The following TRAPPC9 variants were observed in gnomAD, a reference collection of about 807,000 sequenced individuals.
TRAPPC9 encodes the protein trafficking protein particle complex subunit 9, also known as IKK2 binding protein.
TRAPPC9 carries 83 observed loss-of-function variants against 124.0 expected under a neutral mutation model. That is an observed-to-expected ratio of 0.67 (90% CI 0.56 to 0.80). The LOEUF is 0.80. TRAPPC9 is among the 30% of genes least tolerant of loss of function. The pLI is 0.00. For missense variants in TRAPPC9, 1,302 were observed against 1,508.3 expected (o/e 0.86, Z 2.27); for synonymous variants, 638 against 617.5 (o/e 1.03, Z -0.49).
In TRAPPC9 at chr8:140,257,371, G is replaced by A. The variant is rs969845226; in HGVS notation, c.2279-4442C>T. Among the ~76,000 whole-genome samples, 27 of 152,196 alleles carry A rather than the reference G, an allele frequency of 1.8e-4. No individual in the cohort carries two copies. The highest frequency in any genetic ancestry group is 4.6e-4 in the African/African-American group (19 of 41,448). ...TGGCACTGGCCTGGGCCTCTTCTGCGCTGAGCCAACCTGTCCACCTTCCTT... is the reference window on the plus strand; with the variant it reads ...TGGCACTGGCCTGGGCCTCTTCTGCACTGAGCCAACCTGTCCACCTTCCTT... On this transcript the variant is annotated intron_variant, in intron 15 of 22. Coordinates refer to ENST00000438773, the MANE Select transcript of TRAPPC9 (RefSeq NM_001160372.4). The surrounding 1 kb of genome is among the most constrained non-coding windows in gnomAD (Gnocchi z 4.6).
intron 17 of TRAPPC9, among the ~76,000 whole-genome samples, chr8:140,122,713 G>A (rs1217586815): frequency 6.6e-6 from 1 of 152,204 alleles, no homozygotes; most frequent in Admixed American, 6.5e-5. Context: ...GAGCGGCAGA[G>A]AGGAACAAAG....
chr8:140,412,275 G>A (rs770088898), intron 5 of TRAPPC9, among the ~76,000 whole-genome samples: 2 of 152,140 alleles, frequency 1.3e-5, no homozygotes, highest in Non-Finnish European at 2.9e-5. Flanking sequence ...CAAACACAAA[G>A]TGAGAACATT....
intron 15 of TRAPPC9, among the ~76,000 whole-genome samples, chr8:140,261,820 C>T (rs1399903386): frequency 1.3e-5 from 2 of 152,178 alleles, no homozygotes; most frequent in Non-Finnish European, 2.9e-5. Context: ...ATGCGTCAGA[C>T]ACCCAGATCA....
intron 16 of TRAPPC9, among the ~76,000 whole-genome samples, chr8:140,243,590 C>T (rs1210199407): frequency 6.6e-6 from 1 of 152,208 alleles, no homozygotes; most frequent in Non-Finnish European, 1.5e-5. Context: ...GGGCACTACT[C>T]ACCAAAGTCA....
intron 17 of TRAPPC9, among the ~76,000 whole-genome samples, chr8:140,029,119 T>G (rs183675615): frequency 1.7e-3 from 266 of 152,296 alleles, no homozygotes; most frequent in Middle Eastern, 6.8e-3. Flanking sequence ...TTCAACAACT[T>G]AGATAAAATG....
At chr8:139,874,100 G>A (rs2131054932) in intron 21 of TRAPPC9, among the ~76,000 whole-genome samples, 1 of 152,378 alleles carries the variant, frequency 6.6e-6, no homozygotes, top group South Asian at 2.1e-4. Context: ...CTCTGGGAAT[G>A]GATCCTTGGG....
Position 139,882,082 on chromosome 8 carries a change from T to C in TRAPPC9, c.3055+3797A>G, listed in dbSNP as rs914758872. Among the ~76,000 whole-genome samples the C allele has an allele frequency of 3.9e-5, 6 of 152,336 alleles. No individual in the cohort carries two copies. In the East Asian group the frequency reaches 1.2e-3, roughly 29 times the overall value. On this transcript the variant is annotated intron_variant, in intron 21 of 22. Coordinates refer to ENST00000438773, the MANE Select transcript of TRAPPC9 (RefSeq NM_001160372.4). ...GTTTTCACACCAGGGCTTGGGTATA[T>C]GGCTCCTAGAACTGGGTTGATCTTC...
chr8:139,834,085 G>A (rs960621866), intron 21 of TRAPPC9, among the ~76,000 whole-genome samples: 1 of 152,184 alleles, frequency 6.6e-6, no homozygotes, highest in African/African-American at 2.4e-5. Flanking sequence ...AACGAAGCAG[G>A]GTGAGAAACT....
At chr8:140,051,576 CTTTTTTTTTT>C (rs1197128988) in intron 17 of TRAPPC9, among the ~76,000 whole-genome samples, 1 of 88,026 alleles carries the variant, frequency 1.1e-5, no homozygotes, top group Non-Finnish European at 2.2e-5. Context: ...ATTGTTCATT[CTTTTTTTTTT>C]TTTTTTTTTT....
At chr8:140,445,323 G>C (rs1042770914) in intron 2 of TRAPPC9, among the ~76,000 whole-genome samples, 1 of 152,216 alleles carries the variant, frequency 6.6e-6, no homozygotes, top group African/African-American at 2.4e-5. Flanking sequence ...AATGTGTGCT[G>C]AGTCACCTCT....
chr8:140,209,832 G>C (rs2063013282), intron 17 of TRAPPC9, among the ~76,000 whole-genome samples: 1 of 152,190 alleles, frequency 6.6e-6, no homozygotes, highest in Non-Finnish European at 1.5e-5. Flanking sequence ...AGAATGTTTT[G>C]TATCCCATAA....
chr8:140,118,237 GA>G (rs1225945395), intron 17 of TRAPPC9, among the ~76,000 whole-genome samples: 2 of 152,200 alleles, frequency 1.3e-5, no homozygotes, highest in African/African-American at 4.8e-5. Context: ...CCTGGAATGG[GA>G]ACCAGACAGG....
intron 21 of TRAPPC9, among the ~76,000 whole-genome samples, chr8:139,883,145 G>A (rs899236969): frequency 6.6e-6 from 1 of 152,110 alleles, no homozygotes; most frequent in Admixed American, 6.5e-5. Flanking sequence ...TGGGAAAATG[G>A]TGACTTTATA....
chr8:140,286,731 C>T (rs974256375), intron 13 of TRAPPC9, among the ~76,000 whole-genome samples: 4 of 151,976 alleles, frequency 2.6e-5, no homozygotes, highest in African/African-American at 9.7e-5. Flanking sequence ...GTATTATATG[C>T]GAGGCGCCCA....
At chr8:139,863,112 A>G (rs1394967517) in intron 21 of TRAPPC9, among the ~76,000 whole-genome samples, 2 of 152,262 alleles carry the variant, frequency 1.3e-5, no homozygotes, top group Non-Finnish European at 2.9e-5. Flanking sequence ...CTCCGGGAGA[A>G]AACACCACAG....
chr8:140,301,431 A>G (rs544774812), intron 10 of TRAPPC9, among the ~76,000 whole-genome samples: 1 of 152,346 alleles, frequency 6.6e-6, no homozygotes, highest in East Asian at 1.9e-4. Flanking sequence ...TCTCCATGTC[A>G]TCAATAAGGA....
chr8:139,901,982 C>T (rs1831048293), intron 20 of TRAPPC9, among the ~76,000 whole-genome samples: 2 of 152,228 alleles, frequency 1.3e-5, no homozygotes, highest in Admixed American at 1.3e-4. Context: ...TGGGTTTTAG[C>T]TGTTACTTAA....
intron 18 of TRAPPC9, among the ~76,000 whole-genome samples, chr8:140,016,115 T>C (rs1839447675): frequency 7.9e-5 from 12 of 152,194 alleles, no homozygotes; most frequent in Admixed American, 7.9e-4. Flanking sequence ...TTTCCAGCTC[T>C]CCCCAGTAAA....
chr8:140,057,056 A>T (rs1381858262), intron 17 of TRAPPC9, among the ~76,000 whole-genome samples: 2 of 152,260 alleles, frequency 1.3e-5, no homozygotes, highest in African/African-American at 4.8e-5. Flanking sequence ...TTCTCCAAAG[A>T]AGACATAGAA....
Sources: allele counts gnomAD v4.1 joint callset (sites outside exome capture counted in the v4.1 genomes callset), GRCh38; gene constraint gnomAD v4.1.1; non-coding constraint Gnocchi (gnomAD v3.1); transcripts MANE v1.5; gene names NCBI Gene and HGNC (gene_info 2026-07-23, HGNC 2026-07-21).